FHIT: variants seen among roughly 807,000 people sequenced by gnomAD.
FHIT encodes the protein fragile histidine triad diadenosine triphosphatase.
FHIT carries 19 observed loss-of-function variants against 17.9 expected under a neutral mutation model. That is an observed-to-expected ratio of 1.06 (90% confidence interval 0.74 to 1.56). The LOEUF (loss-of-function observed/expected upper bound fraction) is 1.56. FHIT is among the 40% of genes most tolerant of loss of function. The pLI, the probability that FHIT is intolerant of heterozygous loss-of-function variation, is 0.00. For synonymous variants in FHIT, 81 were observed against 69.7 expected (o/e 1.16, Z -0.81); for missense variants, 248 against 189.2 (o/e 1.31, Z -1.82).
intron 5 of FHIT, among the ~76,000 whole-genome samples, chr3:60,212,314 G>A: frequency 6.6e-6 from 1 of 152,130 alleles, no homozygotes. Flanking sequence ...GGGACATGCA[G>A]CCAGGACGCC....
chr3:61,100,510 G>A (rs1052493293), intron 2 of FHIT, among the ~76,000 whole-genome samples: 12 of 152,166 alleles, frequency 7.9e-5, no homozygotes, highest in South Asian at 2.1e-4. Context: ...GAATAGTGCT[G>A]CAATACACAT....
intron 5 of FHIT, among the ~76,000 whole-genome samples, chr3:60,396,308 A>G (rs1410107085): frequency 6.6e-6 from 1 of 152,204 alleles, no homozygotes; most frequent in Non-Finnish European, 1.5e-5. Flanking sequence ...ACATATAGGG[A>G]TCTAGAGAAA....
intron 5 of FHIT, among the ~76,000 whole-genome samples, chr3:60,406,020 G>A (rs1701843129): frequency 6.6e-6 from 1 of 152,092 alleles, no homozygotes; most frequent in Non-Finnish European, 1.5e-5. Flanking sequence ...GCACATAACT[G>A]CTCAATTATT....
At chr3:60,181,735 T>G (rs1382310122) in intron 5 of FHIT, among the ~76,000 whole-genome samples, 1 of 152,212 alleles carries the variant, frequency 6.6e-6, no homozygotes, top group East Asian at 1.9e-4. Context: ...TTCTTTTGCA[T>G]TTATTGACTT....
chr3:60,281,271 G>C (rs552770669), intron 5 of FHIT, among the ~76,000 whole-genome samples: 1 of 152,196 alleles, frequency 6.6e-6, no homozygotes, highest in South Asian at 2.1e-4. Context: ...TTCCCAACTT[G>C]ATTATACATT....
rs536253866 is a variant in FHIT, at chr3:60,235,844, T to C, written c.104-221692A>G. On this transcript the variant is annotated intron_variant, in intron 5 of 9. Coordinates refer to ENST00000492590, the MANE Select transcript of FHIT (RefSeq NM_002012.4). ...GGAAGCAAAAAGCAAAAACTCACAA[T>C]GGAGATCCTCCCAGTGTTTGAATTT... is the stretch of plus-strand genomic sequence containing the variant. Among the ~76,000 whole-genome samples, 4 of 152,252 alleles carry C rather than the reference T, an allele frequency of 2.6e-5. No individual in the cohort carries two copies. The South Asian group carries it at 8.3e-4, about 32-fold the overall frequency.
chr3:60,011,273 T>G (rs1700126592), intron 7 of FHIT, 98 bp downstream of exon 7: 4 of 1,144,994 alleles, frequency 3.5e-6, no homozygotes, highest in Non-Finnish European at 5.3e-6. Flanking sequence ...GAAGATAACA[T>G]AATGAAACAG....
chr3:59,846,586 T>C (rs564306443), intron 8 of FHIT, among the ~76,000 whole-genome samples: 3 of 152,294 alleles, frequency 2.0e-5, no homozygotes, highest in Non-Finnish European at 4.4e-5. Context: ...TCTTAATTCA[T>C]ATAGAAACAA....
At chr3:60,860,740 T>A (rs62654847) in intron 3 of FHIT, among the ~76,000 whole-genome samples, 15,750 of 28,742 alleles carry the variant, frequency 0.55, 6,492 homozygotes, top group Middle Eastern at 0.86. Context: ...GTACATATGT[T>A]CATATATATC....
chr3:60,158,363 G>A (rs1700796954), intron 5 of FHIT, among the ~76,000 whole-genome samples: 1 of 151,732 alleles, frequency 6.6e-6, no homozygotes, highest in African/African-American at 2.4e-5. Flanking sequence ...CCAGTCTGGA[G>A]TGCAATGGCG....
intron 5 of FHIT, among the ~76,000 whole-genome samples, chr3:60,314,208 G>T (rs1478442971): frequency 6.6e-6 from 1 of 152,034 alleles, no homozygotes; most frequent in East Asian, 1.9e-4. Context: ...AGGCCTGTTG[G>T]GCAACATATT....
intron 2 of FHIT, among the ~76,000 whole-genome samples, chr3:61,045,038 A>G (rs1467042624): frequency 1.3e-5 from 2 of 152,184 alleles, no homozygotes; most frequent in Non-Finnish European, 2.9e-5. Context: ...ATGCCACACT[A>G]TAAAGACCAT....
chr3:60,543,907 C>CTTT lies in FHIT; in HGVS notation c.-17-6931_-17-6929dup, dbSNP rs71092612. Among the ~76,000 whole-genome samples the CTTT allele has an allele frequency of 2.0e-3, 104 of 51,928 alleles. 2 individuals are homozygous for CTTT. The highest frequency in any genetic ancestry group is 2.6e-3 in the Admixed American group (8 of 3,046). 34.1% of individuals were successfully genotyped at this position (51,928 alleles called of 152,430 possible). ...CTACAAGCGCCCGCACCACGCCCGG[C>CTTT]TTTTTTTTTTTTTTTTTTTTTTTTG... On this transcript the variant is annotated intron_variant, in intron 4 of 9. Coordinates refer to ENST00000492590, the MANE Select transcript of FHIT (RefSeq NM_002012.4).
chr3:60,503,493 T>C (rs2034603964), intron 5 of FHIT, among the ~76,000 whole-genome samples: 3 of 152,188 alleles, frequency 2.0e-5, no homozygotes, highest in African/African-American at 2.4e-5. Flanking sequence ...ACTGAGTGTG[T>C]ATGCATGTAA....
chr3:60,740,761 G>C (rs1479942085), intron 4 of FHIT, among the ~76,000 whole-genome samples: 1 of 152,140 alleles, frequency 6.6e-6, no homozygotes, highest in Non-Finnish European at 1.5e-5. Context: ...TGAGGACAAA[G>C]CTTTTGTAAA....
At chr3:60,091,533 A>T (rs990268824) in intron 5 of FHIT, among the ~76,000 whole-genome samples, 2 of 152,008 alleles carry the variant, frequency 1.3e-5, no homozygotes, top group East Asian at 1.9e-4. Context: ...AGAGACTGGC[A>T]TGTTTGGTGG....
intron 3 of FHIT, among the ~76,000 whole-genome samples, chr3:60,894,399 T>C (rs1705679215): frequency 6.6e-6 from 1 of 152,158 alleles, no homozygotes; most frequent in Non-Finnish European, 1.5e-5. Context: ...ACAATTATGG[T>C]ACTTCCAGGA....
chr3:60,503,499 T>C lies in FHIT; in HGVS notation c.103+33361A>G, dbSNP rs148168822. ...CCTACAATTACTGAGTGTGTATGCA[T>C]GTAATATACAGTAATATAAATAACT... On this transcript the variant is annotated intron_variant, in intron 5 of 9. Transcript: ENST00000492590. Among the ~76,000 whole-genome samples, 273 of 152,296 alleles carry C rather than the reference T, an allele frequency of 1.8e-3. 1 individual carries two copies. Among genetic ancestry groups the C allele is most frequent in the African/African-American group, 6.4e-3 (264 of 41,572 alleles).
At chr3:60,123,047 T>C (rs1705331702) in intron 5 of FHIT, among the ~76,000 whole-genome samples, 1 of 152,186 alleles carries the variant, frequency 6.6e-6, no homozygotes, top group African/African-American at 2.4e-5. Context: ...ACTTCCTAGT[T>C]TTCTGTTAAT....
Sources: gnomAD v4.1 joint callset for allele counts (sites outside exome capture counted in the v4.1 genomes callset) on GRCh38, gnomAD v4.1.1 for gene constraint, MANE v1.5 for transcripts, NCBI Gene and HGNC (gene_info 2026-07-23, HGNC 2026-07-21) for gene names.